LRCH2: variants seen among roughly 807,000 people sequenced by gnomAD.
LRCH2 encodes the protein leucine-rich repeat and calponin homology domain-containing protein 2.
LRCH2 carries 38 observed loss-of-function variants against 68.9 expected under a neutral mutation model. The ratio of observed to expected loss-of-function variants is 0.55; its 90% CI spans 0.43 to 0.72. The LOEUF (loss-of-function observed/expected upper bound fraction) is 0.72. Ranked by LOEUF, LRCH2 falls within the 30% of genes least tolerant of loss-of-function variation. LRCH2 has a pLI of 0.00. For synonymous variants in LRCH2, 191 were observed against 208.1 expected, an observed-to-expected ratio of 0.92 and a Z score of 0.71; for missense variants, 528 against 572.9, an observed-to-expected ratio of 0.92 and a Z score of 0.80.
At chrX:115,151,247 T>G (rs781955373) in intron 12 of LRCH2, among the ~76,000 whole-genome samples, 1 of 111,361 alleles carries the variant, frequency 9.0e-6, no homozygotes, top group South Asian at 3.7e-4. Flanking sequence ...TCTACAGATT[T>G]TTCAATGGAA....
At chrX:115,233,652 T>A (rs782382929) in intron 1 of LRCH2, 41 bp downstream of exon 1, 5 of 1,094,016 alleles carry the variant, frequency 4.6e-6, no homozygotes, top group East Asian at 6.7e-5. Flanking sequence ...TCCCCGCACC[T>A]CCTCCTTCAC....
intron 1 of LRCH2, chrX:115,190,382 C>G: frequency 8.6e-7 from 1 of 1,162,885 alleles, no homozygotes; most frequent in Non-Finnish European, 1.1e-6. Flanking sequence ...TGCGGCGCTG[C>G]CCCTGTGTGG....
chrX:115,184,267 T>C, intron 3 of LRCH2, 144 bp downstream of exon 3: 1 of 430,855 alleles, frequency 2.3e-6, no homozygotes, highest in Non-Finnish European at 3.6e-6. Flanking sequence ...TCTCAAGATT[T>C]TACTAAATCT....
chrX:115,233,582 G>T lies in LRCH2; in HGVS notation c.349+111C>A, dbSNP rs1055768533. 39 of 800,495 alleles carry T rather than the reference G, an allele frequency of 4.9e-5. No individual in the cohort carries two copies. The Middle Eastern group carries it at 1.4e-3, about 28-fold the overall frequency. 66.0% of individuals were successfully genotyped at this position (800,495 alleles called of 1,213,427 possible). Reference sequence around the variant, plus strand: ...GCTGCCCCGACTTTGTTAGTCTGGCGGTCCCCGCGCACCCGCCCAGACCCG... The same window carrying T: ...GCTGCCCCGACTTTGTTAGTCTGGCTGTCCCCGCGCACCCGCCCAGACCCG... On this transcript the variant is annotated intron_variant, in intron 1 of 20. Coordinates refer to ENST00000317135, the MANE Select transcript of LRCH2 (RefSeq NM_020871.4).
In LRCH2 at chrX:115,122,455, T is replaced by G. The variant is rs2072151793; in HGVS notation, c.2178+72A>C. On this transcript the variant is annotated intron_variant, in intron 20 of 20. Coordinates refer to ENST00000317135, the MANE Select transcript of LRCH2 (RefSeq NM_020871.4). ...GTTCAGAAAGCATTATTCATTGCTC[T>G]AAGAAGAACCCCAGTTTGCATGTAA... The G allele has an allele frequency of 1.0e-5, 9 of 887,611 alleles. No homozygotes were observed. In the Admixed American group the frequency reaches 2.0e-4, roughly 19 times the overall value. The allele number at this position is 887,611 out of a possible 1,213,427, so 73.1% of individuals were successfully genotyped here. A position where few individuals can be genotyped will look rare whatever the true frequency, so the allele number is the denominator to read the frequency against.
At chrX:115,191,379 G>A (rs370302134) in intron 1 of LRCH2, 298 of 1,140,039 alleles carry the variant, frequency 2.6e-4, no homozygotes, top group Middle Eastern at 2.2e-3. Flanking sequence ...GAGGCCGCTC[G>A]CCTGATGCCT....
intron 1 of LRCH2, chrX:115,189,333 A>AC (rs1175477984): frequency 4.9e-5 from 41 of 828,777 alleles, no homozygotes; most frequent in South Asian, 2.5e-4. Flanking sequence ...TGAGACATCC[A>AC]CCCCCCCAAC....
At chrX:115,125,470 T>C (rs1196367280) in intron 16 of LRCH2, among the ~76,000 whole-genome samples, 290 of 739 alleles carry the variant, frequency 0.39, 18 homozygotes, top group East Asian at 0.5. Flanking sequence ...TATATATATA[T>C]ATATATATAT....
chrX:115,180,118 T>C (rs1187523087), intron 3 of LRCH2, among the ~76,000 whole-genome samples: 1 of 111,767 alleles, frequency 8.9e-6, no homozygotes, highest in Non-Finnish European at 1.9e-5. Context: ...TTGTGTAATC[T>C]GTCAATTACA....
At chrX:115,121,327 A>G (rs1361867589) in intron 20 of LRCH2, among the ~76,000 whole-genome samples, 1 of 111,424 alleles carries the variant, frequency 9.0e-6, no homozygotes, top group Non-Finnish European at 1.9e-5. Flanking sequence ...GAAAAAAGAA[A>G]CAACAAACAT....
intron 12 of LRCH2, 117 bp from the exon 13 acceptor site, chrX:115,150,187 A>C: frequency 1.8e-6 from 1 of 570,084 alleles, no homozygotes; most frequent in Non-Finnish European, 2.6e-6. Context: ...ACCCATGTCT[A>C]CACTTTGGCC....
chrX:115,146,902 T>TACACACACACACAC (rs1238704414), intron 14 of LRCH2, among the ~76,000 whole-genome samples: 13 of 53,889 alleles, frequency 2.4e-4, no homozygotes, highest in African/African-American at 1.0e-3. Context: ...ATTTCTTACA[T>TACACACACACACAC]ACATACACAC....
At chrX:115,170,735 A>AAAT (rs1439649332) in intron 5 of LRCH2, among the ~76,000 whole-genome samples, 5 of 111,962 alleles carry the variant, frequency 4.5e-5, no homozygotes, top group Non-Finnish European at 7.5e-5. Flanking sequence ...TACAACTCAT[A>AAAT]AAAGTGGCCT....
intron 14 of LRCH2, among the ~76,000 whole-genome samples, chrX:115,131,158 C>T (rs782117298): frequency 1.6e-4 from 18 of 110,075 alleles, no homozygotes; most frequent in African/African-American, 6.0e-4. Context: ...TTGTGTACAA[C>T]GTGCAGGTTA....
intron 16 of LRCH2, among the ~76,000 whole-genome samples, chrX:115,125,456 T>C (rs1228248850): frequency 0.45 from 611 of 1,345 alleles, 47 homozygotes; most frequent in East Asian, 0.56. Flanking sequence ...TATATATATA[T>C]ATATATATAT....
chrX:115,212,394 A>G (rs782700568), intron 1 of LRCH2, among the ~76,000 whole-genome samples: 13 of 112,383 alleles, frequency 1.2e-4, no homozygotes, highest in African/African-American at 3.2e-4. Flanking sequence ...CATTATCTTT[A>G]TTTTATTCAA....
chrX:115,194,516 AAAAAC>A (rs1241985367), intron 1 of LRCH2, among the ~76,000 whole-genome samples: 1 of 112,252 alleles, frequency 8.9e-6, no homozygotes, highest in African/African-American at 3.2e-5. Context: ...TTGAAATCCT[AAAAAC>A]AAAATCATGC....
intron 1 of LRCH2, among the ~76,000 whole-genome samples, chrX:115,218,813 T>C (rs968414573): frequency 9.8e-5 from 11 of 112,236 alleles, no homozygotes; most frequent in Non-Finnish European, 2.1e-4. Flanking sequence ...GCTGCCACCC[T>C]GTAGAGTGTA....
intron 1 of LRCH2, among the ~76,000 whole-genome samples, chrX:115,211,820 A>C (rs2073009602): frequency 9.0e-6 from 1 of 111,511 alleles, no homozygotes; most frequent in Non-Finnish European, 1.9e-5. Context: ...TTCTAGGTTC[A>C]ATTTTTGTTT....
Sources: gnomAD v4.1 joint callset for allele counts (sites outside exome capture counted in the v4.1 genomes callset) on GRCh38, gnomAD v4.1.1 for gene constraint, MANE v1.5 for transcripts, NCBI Gene and HGNC (gene_info 2026-07-23, HGNC 2026-07-21) for gene names.